Variants in PLPPR1 observed in about 807,000 individuals in gnomAD.
The protein encoded by PLPPR1 is phospholipid phosphatase related 1.
In PLPPR1, 10 loss-of-function variants were observed where a neutral mutation model predicts 33.1. The ratio of observed to expected loss-of-function variants is 0.30; its 90% CI spans 0.19 to 0.51. PLPPR1 has a LOEUF of 0.51. Ranked by LOEUF, PLPPR1 falls within the 20% of genes least tolerant of loss-of-function variation. The pLI, the probability that PLPPR1 is intolerant of heterozygous loss-of-function variation, is 0.97. For synonymous variants in PLPPR1, 151 were observed against 151.0 expected (o/e 1.00, Z 0.00); for missense variants, 304 against 408.1 (o/e 0.74, Z 2.20).
chr9:101,163,328 A>G (rs1413716120), intron 1 of PLPPR1, among the ~76,000 whole-genome samples: 1 of 152,210 alleles, frequency 6.6e-6, no homozygotes, highest in African/African-American at 2.4e-5. Flanking sequence ...ACAAATGTTT[A>G]TGGAACACTT....
chr9:101,172,347 A>G (rs12340745), intron 1 of PLPPR1, among the ~76,000 whole-genome samples: 317 of 106,416 alleles, frequency 3.0e-3, no homozygotes, highest in African/African-American at 9.0e-3. Flanking sequence ...CAGACACACT[A>G]AAGGGGAAAA....
chr9:101,277,482 A>G (rs896507043), intron 3 of PLPPR1, among the ~76,000 whole-genome samples: 14 of 152,226 alleles, frequency 9.2e-5, no homozygotes. Context: ...TGAAGGAAGA[A>G]GCAATGCAAG....
At chr9:101,180,177 G>A (rs180673108) in intron 1 of PLPPR1, among the ~76,000 whole-genome samples, 1 of 94,620 alleles carries the variant, frequency 1.1e-5, no homozygotes, top group African/African-American at 3.9e-5. Flanking sequence ...CACACACACA[G>A]ACACACACAT....
intron 1 of PLPPR1, among the ~76,000 whole-genome samples, chr9:101,160,483 G>A (rs756372002): frequency 4.6e-5 from 7 of 152,058 alleles, no homozygotes; most frequent in Non-Finnish European, 8.8e-5. Context: ...CTTTCACATG[G>A]GAAATCAATT....
chr9:101,125,288 C>T (rs747756236), intron 1 of PLPPR1: 46 of 163,258 alleles, frequency 2.8e-4, no homozygotes, highest in Non-Finnish European at 4.7e-4. Flanking sequence ...CTCCACTTTA[C>T]GTACTTGTCT....
At chr9:101,227,620 T>A (rs1037392537) in intron 2 of PLPPR1, among the ~76,000 whole-genome samples, 16 of 152,212 alleles carry the variant, frequency 1.1e-4, no homozygotes, top group African/African-American at 3.9e-4. Flanking sequence ...CAAAAGAGTT[T>A]CCAAGTGAAT....
At chr9:101,204,524 A>G (rs1187188207) in intron 2 of PLPPR1, among the ~76,000 whole-genome samples, 5 of 152,144 alleles carry the variant, frequency 3.3e-5, no homozygotes, top group Non-Finnish European at 5.9e-5. Flanking sequence ...AGCCATATTG[A>G]TGAGCATTCT....
chr9:101,072,627 C>T (rs1358474469), intron 1 of PLPPR1, among the ~76,000 whole-genome samples: 2 of 152,062 alleles, frequency 1.3e-5, no homozygotes, highest in African/African-American at 4.8e-5. Context: ...GTGGAATTGG[C>T]AGTAAAATTG....
intron 1 of PLPPR1, among the ~76,000 whole-genome samples, chr9:101,167,137 T>C (rs569653106): frequency 1.0e-4 from 11 of 108,136 alleles, no homozygotes; most frequent in African/African-American, 2.8e-4. Flanking sequence ...TCTTTATGTC[T>C]CTCGGTGTGT....
intron 1 of PLPPR1, among the ~76,000 whole-genome samples, chr9:101,167,639 A>G (rs182516872): frequency 1.3e-5 from 2 of 152,220 alleles, no homozygotes; most frequent in African/African-American, 4.8e-5. Context: ...GGAATCAGTG[A>G]CAGGACAGGA....
intron 1 of PLPPR1, among the ~76,000 whole-genome samples, chr9:101,050,048 C>T (rs1294765083): frequency 6.8e-6 from 1 of 147,004 alleles, no homozygotes; most frequent in Non-Finnish European, 1.5e-5. Context: ...TTGCTTCAAC[C>T]TGGGAGGCGG....
At chr9:101,299,036 C>A (rs1032358915) in intron 4 of PLPPR1, among the ~76,000 whole-genome samples, 30 of 152,290 alleles carry the variant, frequency 2.0e-4, no homozygotes, top group South Asian at 1.0e-3. Flanking sequence ...CCCAGGTAGT[C>A]TAAAGATAAG....
At chr9:101,061,783 A>G (rs1035422220) in intron 1 of PLPPR1, among the ~76,000 whole-genome samples, 3 of 152,002 alleles carry the variant, frequency 2.0e-5, no homozygotes, top group Non-Finnish European at 4.4e-5. Context: ...ACAGGTTAAT[A>G]TTTATGGAAT....
intron 1 of PLPPR1, among the ~76,000 whole-genome samples, chr9:101,114,613 C>T (rs939645280): frequency 6.6e-6 from 1 of 152,200 alleles, no homozygotes; most frequent in African/African-American, 2.4e-5. Flanking sequence ...GCTGATGTGA[C>T]TCGCACAGGC....
At chr9:101,228,938 C>T (rs542900108) in intron 2 of PLPPR1, among the ~76,000 whole-genome samples, 73 of 86,918 alleles carry the variant, frequency 8.4e-4, no homozygotes, top group Admixed American at 2.4e-3. Flanking sequence ...CCCCCTCCCA[C>T]CCACCCTCAA....
chr9:101,083,176 T>C (rs184004276), intron 1 of PLPPR1, among the ~76,000 whole-genome samples: 100 of 152,204 alleles, frequency 6.6e-4, no homozygotes, highest in Admixed American at 1.3e-3. Flanking sequence ...TTCTTTTTTT[T>C]GAGATCGAGT....
At chr9:101,161,895 A>G (rs1831780856) in intron 1 of PLPPR1, among the ~76,000 whole-genome samples, 1 of 152,086 alleles carries the variant, frequency 6.6e-6, no homozygotes, top group Non-Finnish European at 1.5e-5. Context: ...TAGACTAAAT[A>G]TTTCAATATT....
At chr9:101,174,978 A>G (rs1192677718) in intron 1 of PLPPR1, among the ~76,000 whole-genome samples, 1 of 152,226 alleles carries the variant, frequency 6.6e-6, no homozygotes, top group Admixed American at 6.6e-5. Flanking sequence ...GAGTTTGTGC[A>G]TAATGAGCTT....
chr9:101,168,117 G>A (rs1825887333), intron 1 of PLPPR1, among the ~76,000 whole-genome samples: 5 of 152,136 alleles, frequency 3.3e-5, no homozygotes, highest in Admixed American at 2.6e-4. Flanking sequence ...GGGAATTATG[G>A]AAGCTACAAT....
Sources: gnomAD v4.1 joint callset for allele counts (sites outside exome capture counted in the v4.1 genomes callset) on GRCh38, gnomAD v4.1.1 for gene constraint, MANE v1.5 for transcripts, NCBI Gene and HGNC (gene_info 2026-07-23, HGNC 2026-07-21) for gene names.